The following PKD2L1 variants were observed in gnomAD, a reference collection of about 807,000 sequenced individuals.
The protein encoded by PKD2L1 is polycystin-2-like protein 1.
Under a neutral mutation model 93.0 loss-of-function variants are expected in PKD2L1, and 77 were observed. The observed-to-expected ratio is 0.83, with a 90% confidence interval of 0.69 to 1.00. The LOEUF is 1.00. PKD2L1 is among the 50% of genes least tolerant of loss of function. The probability of loss-of-function intolerance (pLI) is 0.00; values close to 1 mark genes in which losing one functional copy is unlikely to be tolerated. For synonymous variants in PKD2L1, 390 were observed against 388.0 expected, an observed-to-expected ratio of 1.01 and a Z score of -0.06; for missense variants, 977 against 990.9, an observed-to-expected ratio of 0.99 and a Z score of 0.19.
chr10:100,296,342 G>C (rs775007858), intron 6 of PKD2L1, 50 bp from the exon 7 acceptor site: 1 of 1,489,724 alleles, frequency 6.7e-7, no homozygotes, highest in Non-Finnish European at 9.0e-7. Context: ...GGGATCTCAA[G>C]GGAAGTTCCA....
Position 100,329,296 on chromosome 10 carries a change from G to A in PKD2L1, c.264C>T (p.Asn88=). ...TATAAAGTTCCCGGTTCTCAGCTGT[G>A]TTCTCAGTCAGGGTTGTTCCCCAAA... The part of the protein sequence containing the change: ...RGLWGTTLTE[N]TAENRELYIK... The change falls in exon 2 of 16, where the codon AAC becomes AAT. Residue 88 remains asparagine (N), a synonymous_variant. Coordinates refer to ENST00000318222, the MANE Select transcript of PKD2L1 (RefSeq NM_016112.3). The A allele has an allele frequency of 1.9e-6, 3 of 1,614,178 alleles. No individual in the cohort carries two copies. Among genetic ancestry groups the A allele is most frequent in the Non-Finnish European group, 2.5e-6 (3 of 1,179,998 alleles).
At chr10:100,325,181 C>T (rs1849350666) in intron 2 of PKD2L1, among the ~76,000 whole-genome samples, 1 of 152,232 alleles carries the variant, frequency 6.6e-6, no homozygotes, top group African/African-American at 2.4e-5. Flanking sequence ...TGTACCGTGA[C>T]TCTTCAGTGG....
In PKD2L1 at chr10:100,298,700, G is replaced by A. The variant is rs750480582; in HGVS notation, c.593C>T (p.Pro198Leu). 1.9e-5 allele frequency: 30 copies of A among 1,613,866 alleles called. No individual in the cohort carries two copies. The highest frequency in any genetic ancestry group is 4.4e-5 in the South Asian group (4 of 91,070). ...GCGGACCTTTAGCTGCCGCAGCCTC[G>A]GAACCCCCAGCAGCATGTTCTCATA... is the stretch of plus-strand genomic sequence containing the variant. ...IYYENMLLGV[P>L]RLRQLKVRND... Residue 198 changes from proline to leucine, a missense_variant, in exon 4 of 16, where the codon CCG (proline) becomes CTG (leucine). Transcript: ENST00000318222.
rs1848327588 is a variant in PKD2L1 at position 100,288,481 on chromosome 10, G to A, written c.2336-3C>T. Reference sequence around the variant, plus strand: ...CTCTTCTCTTTTATAGGGAACCTCTGTGGGGGAAAACGAGAAACCCATGGG... The same window carrying A: ...CTCTTCTCTTTTATAGGGAACCTCTATGGGGGAAAACGAGAAACCCATGGG... On this transcript the variant is annotated splice_polypyrimidine_tract_variant and splice_region_variant and intron_variant, in intron 15 of 15. Transcript: ENST00000318222. 6.3e-7 allele frequency: 1 copy of A among 1,596,260 alleles called. No homozygotes were observed. The highest frequency in any genetic ancestry group is 8.6e-7 in the Non-Finnish European group (1 of 1,163,838).
In PKD2L1 at chr10:100,321,782, G is replaced by C. The variant is rs1376511095; in HGVS notation, c.349+7429C>G. Among the ~76,000 whole-genome samples the C allele has an allele frequency of 2.1e-3, 14 of 6,778 alleles. 3 individuals carry two copies. The highest frequency in any genetic ancestry group is 4.9e-3 in the Non-Finnish European group (12 of 2,456). 4.4% of individuals were successfully genotyped at this position (6,778 alleles called of 152,430 possible). A position where few individuals can be genotyped will look rare whatever the true frequency, so the allele number is the denominator to read the frequency against. ...AGGGAGGGAGGGAGGGAGGGAGGGA[G>C]GGAGGGAGGGAGGGAGGGAGGGAGG... On this transcript the variant is annotated intron_variant, in intron 2 of 15. Transcript: ENST00000318222.
Position 100,288,975 on chromosome 10 carries a change from T to C in PKD2L1, c.2332A>G (p.Ser778Gly). Residue 778 changes from serine (S) to glycine (G), a missense_variant, in exon 15 of 16, where the codon AGT (serine) becomes GGT (glycine). Ser to Gly is a moderately conservative substitution (Grantham distance 56). Transcript: ENST00000318222. ...DPWGVQGGQE[S>G]EVPYKREEEA... ...TGCTTTAGGCCCCCTTCCTCACCAC[T>C]CTCCTGCCCACCCTGGACTCCCCAG... 6.3e-7 allele frequency: 1 copy of C among 1,595,318 alleles called. No individual in the cohort carries two copies. The highest frequency in any genetic ancestry group is 8.6e-7 in the Non-Finnish European group (1 of 1,168,420).
intron 2 of PKD2L1, among the ~76,000 whole-genome samples, chr10:100,324,360 C>T (rs531480705): frequency 1.8e-4 from 28 of 152,178 alleles, no homozygotes; most frequent in Non-Finnish European, 3.5e-4. Context: ...GTGGGTTTTA[C>T]GTAAAATGAC....
chr10:100,299,419 T>C (rs1848627100), intron 3 of PKD2L1, among the ~76,000 whole-genome samples, 172 bp downstream of exon 3: 1 of 152,238 alleles, frequency 6.6e-6, no homozygotes, highest in Middle Eastern at 3.2e-3. Flanking sequence ...ATTAATCCCT[T>C]ACCCACCTCC....
rs773205141 is a variant in PKD2L1 at position 100,290,477 on chromosome 10, C to T, written c.2050G>A (p.Val684Met). The T allele has an allele frequency of 4.3e-6, 7 of 1,613,606 alleles. No individual in the cohort carries two copies. In the Admixed American group the frequency reaches 1.2e-4, roughly 27 times the overall value. ...TEIEKLGRSI[V>M]SSPQGKSGPE... ...CCCGATTTGCCTTGTGGGCTGCTCA[C>T]AATAGATCGGCCTAGTTTCTCAATC... Residue 684 changes from valine to methionine, a missense_variant, in exon 13 of 16, where the codon GTG becomes ATG. Physicochemically the swap from Val to Met is conservative, Grantham distance 21. Coordinates refer to ENST00000318222, the MANE Select transcript of PKD2L1 (RefSeq NM_016112.3).
Position 100,301,985 on chromosome 10 carries a change from G to T in PKD2L1, c.350-2267C>A, listed in dbSNP as rs190753750. Among the ~76,000 whole-genome samples, 56 of 152,258 alleles carry T rather than the reference G, an allele frequency of 3.7e-4. No homozygotes were observed. The East Asian group carries it at 0.01, about 28-fold the overall frequency. ...CAAGTAGCTGGGATTACAGGCATATGCCACCACACTCAGCAAATTTTGTAT... is the reference window on the plus strand; with the variant it reads ...CAAGTAGCTGGGATTACAGGCATATTCCACCACACTCAGCAAATTTTGTAT... On this transcript the variant is annotated intron_variant, in intron 2 of 15. Coordinates refer to ENST00000318222, the MANE Select transcript of PKD2L1 (RefSeq NM_016112.3).
intron 2 of PKD2L1, among the ~76,000 whole-genome samples, chr10:100,308,643 G>A (rs1848862602): frequency 1.3e-5 from 2 of 152,058 alleles, no homozygotes; most frequent in African/African-American, 4.8e-5. Context: ...CCCCAGAATG[G>A]TGTTAAATAA....
At chr10:100,290,360 G>C (rs747035318) in intron 13 of PKD2L1, 41 bp downstream of exon 13, 1 of 1,391,364 alleles carries the variant, frequency 7.2e-7, no homozygotes, top group Admixed American at 1.7e-5. Flanking sequence ...CGTAATAGAA[G>C]TGTTGCCAGC....
chr10:100,299,850 T>C (rs1401818256), intron 2 of PKD2L1, 132 bp from the exon 3 acceptor site: 1 of 743,730 alleles, frequency 1.3e-6, no homozygotes, highest in Non-Finnish European at 2.3e-6. Context: ...CCTCTAGACT[T>C]GGTTAGGAGC....
intron 11 of PKD2L1, among the ~76,000 whole-genome samples, 182 bp downstream of exon 11, chr10:100,292,766 T>TA (rs1848432395): frequency 6.6e-6 from 1 of 152,204 alleles, no homozygotes; most frequent in African/African-American, 2.4e-5. Flanking sequence ...CAGAGATTTT[T>TA]AAACCAAGGG....
chr10:100,294,665 C>T lies in PKD2L1; in HGVS notation c.1539-10G>A. On this transcript the variant is annotated splice_polypyrimidine_tract_variant and intron_variant, in intron 8 of 15. Transcript: ENST00000318222. The stretch of plus-strand genomic sequence containing the variant: ...CCGGAACTGAGTGAAACTGAGAGAC[C>T]AGGTCTGGGCTTTACCCAGAGCCTA... 3 of 1,614,030 alleles carry T rather than the reference C, an allele frequency of 1.9e-6. No homozygotes were observed. Among genetic ancestry groups the T allele is most frequent in the Non-Finnish European group, 2.5e-6 (3 of 1,179,980 alleles).
At chr10:100,300,314 C>A (rs1848647091) in intron 2 of PKD2L1, among the ~76,000 whole-genome samples, 1 of 152,088 alleles carries the variant, frequency 6.6e-6, no homozygotes. Context: ...GAGAGAGCGA[C>A]TCAGTGTTCC....
intron 4 of PKD2L1, 103 bp from the exon 5 acceptor site, chr10:100,297,709 TGTGTGTGTGTGTG>T: frequency 1.7e-5 from 3 of 173,882 alleles, no homozygotes. Context: ...ATATTGTGTG[TGTGTGTGTGTGTG>T]TGTGTGTGTG....
At chr10:100,328,404 A>G (rs1027339467) in intron 2 of PKD2L1, among the ~76,000 whole-genome samples, 2 of 152,148 alleles carry the variant, frequency 1.3e-5, no homozygotes, top group Non-Finnish European at 2.9e-5. Flanking sequence ...GACCATCACC[A>G]TACCATGTGT....
rs191331074 is a variant in PKD2L1, at chr10:100,296,301, C to G, written c.1186-9G>C. On this transcript the variant is annotated splice_polypyrimidine_tract_variant and intron_variant, in intron 6 of 15. Coordinates refer to ENST00000318222, the MANE Select transcript of PKD2L1 (RefSeq NM_016112.3). ...ACAGCCACAATGGAGAGCTGTCACA[C>G]AGGGGTCATGGGGGTGTCAGAGAAG... 3.7e-4 allele frequency: 588 copies of G among 1,582,028 alleles called. 2 individuals are homozygous for G. The African/African-American group carries it at 7.4e-3, about 20-fold the overall frequency.
Sources: gnomAD v4.1 joint callset for allele counts (sites outside exome capture counted in the v4.1 genomes callset) on GRCh38, gnomAD v4.1.1 for gene constraint, MANE v1.5 for transcripts, NCBI Gene and HGNC (gene_info 2026-07-23, HGNC 2026-07-21) for gene names.